CRTAC1: variants seen among roughly 807,000 people sequenced by gnomAD.
CRTAC1 encodes the protein cartilage acidic protein 1.
In CRTAC1, 37 loss-of-function variants were observed where a neutral mutation model predicts 67.8. The observed-to-expected ratio is 0.55, with a 90% CI of 0.42 to 0.72. CRTAC1 has a LOEUF of 0.72. CRTAC1 is among the 30% of genes least tolerant of loss of function. The probability of loss-of-function intolerance (pLI) is 0.00; values close to 1 mark genes in which losing one functional copy is unlikely to be tolerated. For synonymous variants in CRTAC1, 348 were observed against 371.0 expected (o/e 0.94, Z 0.71); for missense variants, 780 against 931.6 (o/e 0.84, Z 2.12).
At chr10:97,925,604 G>T (rs143534735) in intron 3 of CRTAC1, among the ~76,000 whole-genome samples, 2 of 148,456 alleles carry the variant, frequency 1.3e-5, no homozygotes, top group African/African-American at 5.0e-5. Context: ...GTGTGAGAGC[G>T]GGGATGAGTG....
intron 6 of CRTAC1, among the ~76,000 whole-genome samples, chr10:97,906,185 G>C (rs1023032997): frequency 6.6e-6 from 1 of 152,166 alleles, no homozygotes; most frequent in Non-Finnish European, 1.5e-5. Flanking sequence ...GGTGTGGGAA[G>C]AAGAGGCAGT....
chr10:97,983,139 C>T (rs1193849407), intron 2 of CRTAC1, among the ~76,000 whole-genome samples: 2 of 152,204 alleles, frequency 1.3e-5, no homozygotes, highest in African/African-American at 2.4e-5. Context: ...AATGGTGATG[C>T]CCACTACAGG....
chr10:97,949,636 G>A (rs1025634609), intron 2 of CRTAC1, among the ~76,000 whole-genome samples: 1 of 152,224 alleles, frequency 6.6e-6, no homozygotes, highest in Non-Finnish European at 1.5e-5. Flanking sequence ...CCCTGGACTT[G>A]AAGTCAGACA....
At position 97,880,340 on chromosome 10, in the gene CRTAC1, T is replaced by G; in HGVS notation, c.1728A>C (p.Val576=). ...TGTAGCTTCCATAGGTGTTGACACA[T>G]ACGGGCTTGTCTCGAGGGCACACGA... The part of the protein sequence containing the change: ...FPFVCPRDKP[V]CVNTYGSYRC... Residue 576 remains valine (V), a synonymous_variant, in exon 14 of 15, where the codon GTA becomes GTC. Coordinates refer to ENST00000370597, the MANE Select transcript of CRTAC1 (RefSeq NM_018058.7). 1 of 1,614,210 alleles carries G rather than the reference T, an allele frequency of 6.2e-7. No individual in the cohort carries two copies. Among genetic ancestry groups the G allele is most frequent in the East Asian group, 2.2e-5 (1 of 44,884 alleles).
At chr10:97,878,861 G>T (rs1721619079) in intron 14 of CRTAC1, among the ~76,000 whole-genome samples, 1 of 152,160 alleles carries the variant, frequency 6.6e-6, no homozygotes, top group African/African-American at 2.4e-5. Flanking sequence ...AAGGCCTAGA[G>T]TACACACTCC....
intron 2 of CRTAC1, among the ~76,000 whole-genome samples, chr10:97,939,558 G>T (rs1289461544): frequency 1.3e-5 from 2 of 152,138 alleles, no homozygotes; most frequent in Non-Finnish European, 2.9e-5. Context: ...GCCTGGAGTT[G>T]CCACTTCCTC....
intron 14 of CRTAC1, among the ~76,000 whole-genome samples, chr10:97,880,041 C>T (rs552120115): frequency 1.3e-5 from 2 of 152,328 alleles, no homozygotes; most frequent in East Asian, 1.9e-4. Context: ...GACACAGCAT[C>T]CCCTGGCCCT....
intron 2 of CRTAC1, among the ~76,000 whole-genome samples, chr10:97,981,760 G>A (rs750803760): frequency 8.4e-4 from 128 of 152,264 alleles, no homozygotes; most frequent in Non-Finnish European, 1.6e-3. Flanking sequence ...TTATGAAAAT[G>A]TCCATCTCAT....
chr10:97,990,800 T>C lies in CRTAC1; in HGVS notation c.224+20338A>G, dbSNP rs144572815. ...ATGAACGAATAAGAGCTGATGAATATAATAGGGAAAATAAACTTTCTCCTA... is the reference window on the plus strand; with the variant it reads ...ATGAACGAATAAGAGCTGATGAATACAATAGGGAAAATAAACTTTCTCCTA... On this transcript the variant is annotated intron_variant, in intron 2 of 14. Coordinates refer to ENST00000370597, the MANE Select transcript of CRTAC1 (RefSeq NM_018058.7). Among the ~76,000 whole-genome samples the C allele has an allele frequency of 1.6e-4, 25 of 152,242 alleles. No homozygotes were observed. In the East Asian group the frequency reaches 4.5e-3, roughly 27 times the overall value.
rs753413540 is a variant in CRTAC1 at position 97,936,381 on chromosome 10, G to A, written c.225-15C>T. ...GTCCATTGTACCTGGAGGAGGAATG[G>A]GGAGGGGATGCTGGGGAGGAGCCGC... On this transcript the variant is annotated splice_polypyrimidine_tract_variant and intron_variant, in intron 2 of 14. Transcript: ENST00000370597. 1 of 1,593,270 alleles carries A rather than the reference G, an allele frequency of 6.3e-7. No homozygotes were observed. The highest frequency in any genetic ancestry group is 8.6e-7 in the Non-Finnish European group (1 of 1,164,486).
chr10:97,908,271 A>G (rs114496820), intron 5 of CRTAC1, 124 bp from the exon 6 acceptor site: 26 of 1,025,618 alleles, frequency 2.5e-5, no homozygotes, highest in South Asian at 1.9e-4. Flanking sequence ...CCTGGGGGGA[A>G]TTCTGCTTCC....
chr10:97,894,918 C>T (rs1003191270), intron 11 of CRTAC1, among the ~76,000 whole-genome samples: 4 of 150,910 alleles, frequency 2.7e-5, no homozygotes, highest in African/African-American at 7.3e-5. Flanking sequence ...GGTTTGGACA[C>T]GTTTGGTGCA....
Position 97,923,251 on chromosome 10 carries a change from C to A in CRTAC1, c.558+13G>T. 6.2e-7 allele frequency: 1 copy of A among 1,613,808 alleles called. No individual in the cohort carries two copies. The highest frequency in any genetic ancestry group is 1.1e-5 in the South Asian group (1 of 91,074). On this transcript the variant is annotated intron_variant, in intron 4 of 14. Transcript: ENST00000370597. ...TGGCTTCTCCCCAGGACCCCATGTG[C>A]CCCTGCACTCACCTTTCTGTCCACA...
At chr10:97,945,367 T>C (rs2051247688) in intron 2 of CRTAC1, among the ~76,000 whole-genome samples, 1 of 152,244 alleles carries the variant, frequency 6.6e-6, no homozygotes, top group Non-Finnish European at 1.5e-5. Context: ...CATATCTAAA[T>C]GTTTCCCATT....
At position 97,895,339 on chromosome 10, in the gene CRTAC1, C is replaced by G; in HGVS notation, c.1392G>C (p.Val464=). The change falls in exon 11 of 15, where the codon GTG becomes GTC. Residue 464 remains valine (V), a synonymous_variant. Transcript: ENST00000370597. This position sits in a 1 kb window ranked among gnomAD's most constrained non-coding sequence, Gnocchi z 4.2. ...FGAFARGAKV[V]LYTKKSGAHL... ...GGGCCCCACTCTTCTTGGTGTAGAG[C>G]ACGACCTTAGCTCCCCTGGCAAAGG... 6.2e-7 allele frequency: 1 copy of G among 1,613,850 alleles called. No homozygotes were observed. The highest frequency in any genetic ancestry group is 2.2e-5 in the East Asian group (1 of 44,854).
intron 6 of CRTAC1, among the ~76,000 whole-genome samples, 176 bp downstream of exon 6, chr10:97,907,837 G>A (rs1262742435): frequency 6.6e-6 from 1 of 152,132 alleles, no homozygotes; most frequent in African/African-American, 2.4e-5. Context: ...CTGGAGCCAA[G>A]GGAGCTAAGG....
At chr10:97,890,430 GA>G (rs1036074557) in intron 11 of CRTAC1, among the ~76,000 whole-genome samples, 2 of 151,848 alleles carry the variant, frequency 1.3e-5, no homozygotes, top group South Asian at 2.1e-4. Context: ...TTAAGAGGGG[GA>G]AAAAAAGCAA....
intron 2 of CRTAC1, among the ~76,000 whole-genome samples, chr10:97,959,755 A>C (rs1165319820): frequency 1.3e-5 from 2 of 152,196 alleles, no homozygotes; most frequent in African/African-American, 4.8e-5. Context: ...GTAAGCCCCT[A>C]ATAAAACCCC....
rs3075454 is a variant in CRTAC1, at chr10:98,021,010, C to CTCATTCAT, written c.24+9431_24+9438dup. Among the ~76,000 whole-genome samples, 462 of 151,794 alleles carry CTCATTCAT rather than the reference C, an allele frequency of 3.0e-3. 4 individuals carry two copies. Among genetic ancestry groups the CTCATTCAT allele is most frequent in the African/African-American group, 9.6e-3 (395 of 41,340 alleles). On this transcript the variant is annotated intron_variant, in intron 1 of 14. Transcript: ENST00000370597. ...CAAGAACACTGGAGGCCACTATTCA[C>CTCATTCAT]TCATTCATTCATTCATTCATTCATT...
Sources: allele counts gnomAD v4.1 joint callset (sites outside exome capture counted in the v4.1 genomes callset), GRCh38; gene constraint gnomAD v4.1.1; non-coding constraint Gnocchi (gnomAD v3.1); transcripts MANE v1.5; gene names NCBI Gene and HGNC (gene_info 2026-07-23, HGNC 2026-07-21).